FMN1: variants seen among roughly 807,000 people sequenced by gnomAD.
FMN1 encodes formin 1.
A neutral mutation model predicts 132.4 loss-of-function variants in FMN1; 110 were observed. The ratio of observed to expected loss-of-function variants is 0.83; its 90% CI spans 0.71 to 0.97. FMN1 has a LOEUF of 0.97. FMN1 is among the 50% of genes least tolerant of loss of function. The probability of loss-of-function intolerance (pLI) is 0.00; values close to 1 mark genes in which losing one functional copy is unlikely to be tolerated. For missense variants in FMN1, 1,792 were observed against 1,705.3 expected (o/e 1.05, Z -0.90); for synonymous variants, 722 against 651.7 (o/e 1.11, Z -1.64).
At position 33,183,317 on chromosome 15, in the gene FMN1, G is replaced by A. The variant is rs192384879; in HGVS notation, c.-196-3055C>T. 2.8e-4 allele frequency among the ~76,000 whole-genome samples: 43 copies of A among 152,298 alleles called. No homozygotes were observed. The East Asian group carries it at 6.7e-3, about 24-fold the overall frequency. On this transcript the variant is annotated intron_variant, in intron 2 of 20. Coordinates refer to ENST00000616417, the MANE Select transcript of FMN1 (RefSeq NM_001277313.2). ...TTTTAATGCACTTACCACAGTAAGT[G>A]GCACATAAATGCTCATTCAATTAAA...
intron 6 of FMN1, among the ~76,000 whole-genome samples, chr15:33,061,668 G>A (rs571076252): frequency 8.6e-5 from 13 of 151,984 alleles, no homozygotes; most frequent in African/African-American, 2.7e-4. Context: ...AAATGGAACC[G>A]CCAGATTCTG....
chr15:32,877,430 A>G (rs984121374), intron 16 of FMN1, among the ~76,000 whole-genome samples: 1 of 152,198 alleles, frequency 6.6e-6, no homozygotes, highest in African/African-American at 2.4e-5. Context: ...TTTTTAAAAA[A>G]AAGTCTTGCA....
chr15:33,019,628 G>C (rs913389888), intron 6 of FMN1, among the ~76,000 whole-genome samples: 1 of 152,216 alleles, frequency 6.6e-6, no homozygotes, highest in African/African-American at 2.4e-5. Flanking sequence ...TGCCCTGCAA[G>C]GAGGCAGCTA....
intron 10 of FMN1, among the ~76,000 whole-genome samples, chr15:32,911,193 G>T (rs907858089): frequency 1.3e-5 from 2 of 152,202 alleles, no homozygotes; most frequent in African/African-American, 4.8e-5. Flanking sequence ...ATATGCTTAT[G>T]ATTTCATCTA....
At chr15:32,814,948 TATTATTA>T (rs1219644149) in intron 17 of FMN1, among the ~76,000 whole-genome samples, 8 of 152,034 alleles carry the variant, frequency 5.3e-5, no homozygotes, top group African/African-American at 1.9e-4. Flanking sequence ...TTATTATTAT[TATTATTA>T]TTTTTGAGAC....
intron 6 of FMN1, among the ~76,000 whole-genome samples, chr15:33,027,772 T>C (rs1245986137): frequency 6.6e-6 from 1 of 152,130 alleles, no homozygotes; most frequent in African/African-American, 2.4e-5. Context: ...CACACACGAA[T>C]ATACATACAC....
chr15:33,052,267 A>G (rs1342897215), intron 6 of FMN1, among the ~76,000 whole-genome samples: 1 of 152,186 alleles, frequency 6.6e-6, no homozygotes, highest in East Asian at 1.9e-4. Flanking sequence ...TTGATTTAAA[A>G]TATTTTATTA....
rs554262880 is a variant in FMN1 at position 32,887,137 on chromosome 15, T to C, written c.3835+1035A>G. ...GCCACCGGGAGCAGATCTTTCCCAC[T>C]TTACTTCCATTTCCAAGCTGTTCTC... On this transcript the variant is annotated intron_variant, in intron 16 of 20. Coordinates refer to ENST00000616417, the MANE Select transcript of FMN1 (RefSeq NM_001277313.2). Among the ~76,000 whole-genome samples, 3 of 152,334 alleles carry C rather than the reference T, an allele frequency of 2.0e-5. No homozygotes were observed. In the South Asian group the frequency reaches 6.2e-4, roughly 32 times the overall value.
chr15:33,090,892 G>C (rs1416725933), intron 4 of FMN1, among the ~76,000 whole-genome samples: 1 of 152,046 alleles, frequency 6.6e-6, no homozygotes, highest in African/African-American at 2.4e-5. Flanking sequence ...GACCTCCTTT[G>C]ACTTCTATTT....
chr15:32,936,685 A>C (rs1455171275), intron 9 of FMN1, among the ~76,000 whole-genome samples: 1 of 151,956 alleles, frequency 6.6e-6, no homozygotes, highest in Non-Finnish European at 1.5e-5. Context: ...AGGAGAAAGA[A>C]GGAAGGAAGG....
intron 7 of FMN1, among the ~76,000 whole-genome samples, chr15:32,993,912 T>TGGGG (rs61553799): frequency 0.065 from 5,631 of 86,614 alleles, 193 homozygotes; most frequent in Non-Finnish European, 0.1. Flanking sequence ...GGGGGCGGGG[T>TGGGG]GGGGGGGGTC....
chr15:32,904,933 T>G (rs1032332295), intron 12 of FMN1, among the ~76,000 whole-genome samples: 1 of 152,186 alleles, frequency 6.6e-6, no homozygotes, highest in Non-Finnish European at 1.5e-5. Context: ...CTCTTAAATA[T>G]TCCCAAGCAT....
At chr15:32,957,394 T>C (rs2029929201) in intron 9 of FMN1, among the ~76,000 whole-genome samples, 1 of 141,220 alleles carries the variant, frequency 7.1e-6, no homozygotes, top group Non-Finnish European at 1.5e-5. Flanking sequence ...GGTGCTGACC[T>C]ACCTTGCTCA....
chr15:32,989,270 G>C (rs1258873924), intron 7 of FMN1, among the ~76,000 whole-genome samples: 2 of 152,198 alleles, frequency 1.3e-5, no homozygotes, highest in Admixed American at 6.5e-5. Context: ...ATGGAAGGTA[G>C]GTGGAGGTAC....
At chr15:33,020,412 C>T (rs532000641) in intron 6 of FMN1, among the ~76,000 whole-genome samples, 41 of 122,622 alleles carry the variant, frequency 3.3e-4, no homozygotes, top group Non-Finnish European at 5.8e-4. Context: ...TTTGGGGAGG[C>T]CGAGGTGGGT....
intron 17 of FMN1, among the ~76,000 whole-genome samples, chr15:32,825,135 T>G (rs1410485240): frequency 6.6e-6 from 1 of 152,260 alleles, no homozygotes; most frequent in Non-Finnish European, 1.5e-5. Flanking sequence ...ACCAGCCTGG[T>G]CCAAGATGCT....
chr15:33,019,068 A>C (rs917112869), intron 6 of FMN1, among the ~76,000 whole-genome samples: 3 of 152,194 alleles, frequency 2.0e-5, no homozygotes, highest in Admixed American at 6.5e-5. Context: ...TGGCTCCGGC[A>C]GCCTGCTTTT....
At chr15:32,877,244 G>A (rs929970071) in intron 16 of FMN1, among the ~76,000 whole-genome samples, 1 of 150,324 alleles carries the variant, frequency 6.7e-6, no homozygotes, top group South Asian at 2.1e-4. Context: ...CCGAGATTGT[G>A]CCACTGCACT....
intron 2 of FMN1, among the ~76,000 whole-genome samples, chr15:33,182,967 C>T (rs941116813): frequency 1.1e-4 from 17 of 152,162 alleles, no homozygotes; most frequent in Admixed American, 6.5e-5. Flanking sequence ...CTTAGAGCAG[C>T]GAAGGGGCTT....
Sources: gnomAD v4.1 joint callset for allele counts (sites outside exome capture counted in the v4.1 genomes callset) on GRCh38, gnomAD v4.1.1 for gene constraint, MANE v1.5 for transcripts, NCBI Gene and HGNC (gene_info 2026-07-23, HGNC 2026-07-21) for gene names.